Variants in NPAS3 observed in about 807,000 individuals in gnomAD.
NPAS3 encodes the protein neuronal PAS domain protein 3, also known as neuronal PAS domain-containing protein 3.
NPAS3 carries 14 observed loss-of-function variants against 73.1 expected under a neutral mutation model. The observed-to-expected ratio is 0.19, with a 90% CI of 0.13 to 0.30. The LOEUF (loss-of-function observed/expected upper bound fraction) is 0.30. Ranked by LOEUF, NPAS3 falls within the 10% of genes least tolerant of loss-of-function variation. NPAS3 has a pLI of 1.00. For missense variants in NPAS3, 1,096 were observed against 1,250.0 expected (o/e 0.88, Z 1.86); for synonymous variants, 620 against 541.5 (o/e 1.14, Z -2.01).
chr14:33,624,077 C>T (rs938302928), intron 5 of NPAS3, among the ~76,000 whole-genome samples: 1 of 152,310 alleles, frequency 6.6e-6, no homozygotes. Flanking sequence ...CCCCAAGCTC[C>T]CTGACACCCC....
rs1566559931 is a variant in NPAS3 at position 33,800,614 on chromosome 14, G to C, written c.2307G>C (p.Gly769=). 9.7e-6 allele frequency: 13 copies of C among 1,342,470 alleles called. 1 individual carries two copies. The South Asian group carries it at 1.7e-4, about 17-fold the overall frequency. The allele number at this position is 1,342,470 out of a possible 1,614,324, so 83.2% of individuals were successfully genotyped here. ...GGAACGGCGGCGGGGGCGGGGGCGG[G>C]GGCGGCGGCGCGGGGGGCGGCGGCC... The change falls in exon 12 of 12, where the codon GGG becomes GGC. Residue 769 remains glycine, a synonymous_variant. Coordinates refer to ENST00000356141, the Ensembl canonical transcript of NPAS3. The surrounding 1 kb of genome is among the most constrained non-coding windows in gnomAD (Gnocchi z 6.5).
chr14:33,587,253 T>C (rs1320709912), intron 5 of NPAS3, among the ~76,000 whole-genome samples: 1 of 152,244 alleles, frequency 6.6e-6, no homozygotes, highest in African/African-American at 2.4e-5. Context: ...AATAGTTTTA[T>C]GTCAGTCATT....
At position 33,617,637 on chromosome 14, in the gene NPAS3, G is replaced by A. The variant is rs557869384; in HGVS notation, c.558+57427G>A. Among the ~76,000 whole-genome samples the A allele has an allele frequency of 3.3e-5, 5 of 152,280 alleles. No individual in the cohort carries two copies. The East Asian group carries it at 9.6e-4, about 29-fold the overall frequency. On this transcript the variant is annotated intron_variant, in intron 5 of 11. Transcript: ENST00000356141. ...CTTCTCAAAATTAATATACATTTTA[G>A]AGTAATCACTGGTGACCCTGAGATT...
intron 3 of NPAS3, among the ~76,000 whole-genome samples, chr14:33,275,786 TCTGA>T (rs1426301917): frequency 2.6e-5 from 4 of 152,190 alleles, no homozygotes; most frequent in Non-Finnish European, 5.9e-5. Context: ...ATTAGTATAA[TCTGA>T]CTATTTGATC....
chr14:33,484,479 A>G (rs2051484835), intron 4 of NPAS3, among the ~76,000 whole-genome samples: 1 of 152,172 alleles, frequency 6.6e-6, no homozygotes, highest in Admixed American at 6.5e-5. Context: ...GCACTCAGTA[A>G]CGGCCAAATG....
chr14:33,220,037 C>T (rs1325738175), intron 3 of NPAS3, among the ~76,000 whole-genome samples: 1 of 152,140 alleles, frequency 6.6e-6, no homozygotes, highest in African/African-American at 2.4e-5. Context: ...GATGAAAGTT[C>T]ATAGAATCAG....
chr14:33,682,036 G>C (rs954234635), intron 6 of NPAS3, among the ~76,000 whole-genome samples: 8 of 152,154 alleles, frequency 5.3e-5, no homozygotes, highest in African/African-American at 1.9e-4. Flanking sequence ...CAATCTGAAT[G>C]GCAGTTTGTA....
chr14:33,409,354 A>G (rs1309354815), intron 4 of NPAS3, among the ~76,000 whole-genome samples: 1 of 152,192 alleles, frequency 6.6e-6, no homozygotes, highest in African/African-American at 2.4e-5. Context: ...ATACTGGAAA[A>G]AATATCCCTT....
At chr14:33,794,013 A>C in exon 10 of NPAS3, 3 of 1,613,636 alleles carry the variant, frequency 1.9e-6, no homozygotes, top group African/African-American at 2.7e-5. Context: ...TGCAAATGAA[A>C]AGAATATCAT....
intron 6 of NPAS3, among the ~76,000 whole-genome samples, chr14:33,686,868 A>G (rs984360438): frequency 6.6e-5 from 10 of 152,168 alleles, no homozygotes; most frequent in Non-Finnish European, 1.5e-4. Flanking sequence ...AGTCTTCCCT[A>G]TAACATAGGA....
intron 5 of NPAS3, among the ~76,000 whole-genome samples, chr14:33,590,322 C>G (rs1958547): frequency 0.36 from 55,240 of 151,948 alleles, 10,869 homozygotes; most frequent in East Asian, 0.64. Context: ...GTTTTGTCTT[C>G]AGTGGCTTTC....
chr14:33,005,359 A>T (rs1555320240), intron 1 of NPAS3, among the ~76,000 whole-genome samples: 1 of 152,138 alleles, frequency 6.6e-6, no homozygotes, highest in Non-Finnish European at 1.5e-5. Flanking sequence ...TTTGACTGAA[A>T]ATGTCAGTGG....
intron 4 of NPAS3, among the ~76,000 whole-genome samples, chr14:33,428,772 T>C (rs2048658969): frequency 6.6e-6 from 1 of 152,160 alleles, no homozygotes; most frequent in African/African-American, 2.4e-5. Context: ...CCTTGAGTAC[T>C]ATGATTGTCA....
At chr14:33,348,683 A>G (rs1478574687) in intron 3 of NPAS3, among the ~76,000 whole-genome samples, 2 of 152,176 alleles carry the variant, frequency 1.3e-5, no homozygotes, top group African/African-American at 2.4e-5. Flanking sequence ...TAGTAGTTCC[A>G]GTGTTTCCAG....
At chr14:33,486,716 G>A (rs1265878001) in intron 4 of NPAS3, among the ~76,000 whole-genome samples, 3 of 152,168 alleles carry the variant, frequency 2.0e-5, no homozygotes, top group Admixed American at 6.5e-5. Context: ...GAGGGGCCCG[G>A]CAGATTCCTG....
intron 6 of NPAS3, among the ~76,000 whole-genome samples, chr14:33,685,750 A>G (rs1203253010): frequency 6.6e-6 from 1 of 152,194 alleles, no homozygotes; most frequent in Non-Finnish European, 1.5e-5. Flanking sequence ...AATAGCTTTC[A>G]TTATCTTATC....
chr14:32,977,287 A>G (rs2037719795), intron 1 of NPAS3, among the ~76,000 whole-genome samples: 1 of 144,852 alleles, frequency 6.9e-6, no homozygotes, highest in Non-Finnish European at 1.5e-5. Flanking sequence ...CTTTTTATCT[A>G]GGTTCTTCTA....
intron 2 of NPAS3, among the ~76,000 whole-genome samples, chr14:33,175,133 T>A (rs1314583516): frequency 6.6e-6 from 1 of 152,194 alleles, no homozygotes; most frequent in African/African-American, 2.4e-5. Flanking sequence ...AAACTGTAAT[T>A]CAGTTGATGT....
At chr14:33,234,301 G>A (rs1478289610) in intron 3 of NPAS3, among the ~76,000 whole-genome samples, 6 of 152,032 alleles carry the variant, frequency 3.9e-5, no homozygotes, top group African/African-American at 1.4e-4. Flanking sequence ...ATCTAAATCA[G>A]CCTGCACCCA....
Sources: allele counts gnomAD v4.1 joint callset (sites outside exome capture counted in the v4.1 genomes callset), GRCh38; gene constraint gnomAD v4.1.1; non-coding constraint Gnocchi (gnomAD v3.1); transcripts MANE v1.5; gene names NCBI Gene and HGNC (gene_info 2026-07-23, HGNC 2026-07-21).